The following SRGAP2 variants were observed in gnomAD, a reference collection of about 807,000 sequenced individuals.
SRGAP2 encodes SLIT-ROBO Rho GTPase activating protein 2.
In SRGAP2, 15 loss-of-function variants were observed where a neutral mutation model predicts 57.2. The observed-to-expected ratio is 0.26, with a 90% CI of 0.18 to 0.40. The LOEUF is 0.40. SRGAP2 is among the 10% of genes least tolerant of loss of function. The probability of loss-of-function intolerance (pLI) is 1.00; values close to 1 mark genes in which losing one functional copy is unlikely to be tolerated. For missense variants in SRGAP2, 520 were observed against 669.6 expected, an observed-to-expected ratio of 0.78 and a Z score of 2.47; for synonymous variants, 249 against 248.0, an observed-to-expected ratio of 1.00 and a Z score of -0.04.
intron 18 of SRGAP2, among the ~76,000 whole-genome samples, chr1:206,449,400 T>G (rs1663064547): frequency 7.0e-6 from 1 of 143,618 alleles, no homozygotes; most frequent in Admixed American, 7.1e-5. Context: ...TAACCAATCC[T>G]CCCACCTCAG....
Position 206,421,293 on chromosome 1 carries a change from C to T in SRGAP2, c.1494+19C>T. 1.3e-6 allele frequency: 1 copy of T among 776,316 alleles called. No homozygotes were observed. Among genetic ancestry groups the T allele is most frequent in the East Asian group, 2.4e-5 (1 of 41,100 alleles). 48.1% of individuals were successfully genotyped at this position (776,316 alleles called of 1,614,324 possible). ...GAAACAGGTAAGGGCCCAAGCGGGG[C>T]CAGGCTGGTCTGGCCTGAAAATATA... On this transcript the variant is annotated intron_variant, in intron 13 of 22. Coordinates refer to ENST00000573034, the MANE Select transcript of SRGAP2 (RefSeq NM_015326.5).
intron 7 of SRGAP2, among the ~76,000 whole-genome samples, chr1:206,394,635 C>G (rs1303877325): frequency 4.5e-4 from 68 of 152,178 alleles, no homozygotes; most frequent in Non-Finnish European, 6.2e-4. Flanking sequence ...CCCCTGACAT[C>G]TGGCCCATTT....
chr1:206,417,863 C>G (rs1428368372), intron 11 of SRGAP2, among the ~76,000 whole-genome samples: 3 of 151,644 alleles, frequency 2.0e-5, no homozygotes, highest in Admixed American at 6.6e-5. Flanking sequence ...AAAATCTTTA[C>G]TCTTGGGTTA....
chr1:206,397,349 T>C (rs1657695676), intron 7 of SRGAP2, among the ~76,000 whole-genome samples: 1 of 151,390 alleles, frequency 6.6e-6, no homozygotes, highest in Non-Finnish European at 1.5e-5. Context: ...GCCTGGGATA[T>C]TGGCATCCTG....
chr1:206,372,957 T>C (rs1214476485), intron 4 of SRGAP2, among the ~76,000 whole-genome samples: 2 of 3,116 alleles, frequency 6.4e-4, no homozygotes, highest in South Asian at 0.028. Context: ...CTTTCTTTCT[T>C]TTCTTTCCTT....
chr1:206,427,038 C>A (rs1660856856), intron 13 of SRGAP2, among the ~76,000 whole-genome samples: 1 of 151,946 alleles, frequency 6.6e-6, no homozygotes, highest in Non-Finnish European at 1.5e-5. Flanking sequence ...AAAATCTTTG[C>A]CCAGACCAGT....
chr1:206,337,924 G>A (rs1299758278), intron 3 of SRGAP2, among the ~76,000 whole-genome samples: 1 of 151,894 alleles, frequency 6.6e-6, no homozygotes, highest in Non-Finnish European at 1.5e-5. Flanking sequence ...CCCTTTAAGC[G>A]CTTGTTGCTA....
At chr1:206,447,545 G>A (rs1662867800) in intron 18 of SRGAP2, among the ~76,000 whole-genome samples, 1 of 152,170 alleles carries the variant, frequency 6.6e-6, no homozygotes, top group Non-Finnish European at 1.5e-5. Context: ...GGGAGAGAAA[G>A]CTTTTTGTCA....
intron 18 of SRGAP2, among the ~76,000 whole-genome samples, chr1:206,449,697 A>C (rs1475936467): frequency 6.6e-6 from 1 of 151,704 alleles, no homozygotes; most frequent in Non-Finnish European, 1.5e-5. Context: ...TTCCTCCCCT[A>C]CTTTTGTTTC....
At chr1:206,355,920 T>C (rs552486678) in intron 4 of SRGAP2, among the ~76,000 whole-genome samples, 1 of 152,108 alleles carries the variant, frequency 6.6e-6, no homozygotes, top group East Asian at 1.9e-4. Context: ...TGAGCCAAGA[T>C]TGTGCCATTG....
chr1:206,451,115 T>TAAA (rs67862340), intron 19 of SRGAP2, among the ~76,000 whole-genome samples: 86 of 69,232 alleles, frequency 1.2e-3, no homozygotes, highest in African/African-American at 4.0e-3. Flanking sequence ...AGACCCTGTC[T>TAAA]AAAAAAAAAA....
chr1:206,375,737 C>A (rs543026449), intron 4 of SRGAP2, among the ~76,000 whole-genome samples: 1 of 152,120 alleles, frequency 6.6e-6, no homozygotes, highest in East Asian at 1.9e-4. Flanking sequence ...GTATGCCTGT[C>A]CCTGACAAGA....
chr1:206,266,793 TA>T (rs1669877345), intron 2 of SRGAP2, among the ~76,000 whole-genome samples: 1 of 147,808 alleles, frequency 6.8e-6, no homozygotes, highest in South Asian at 2.3e-4. Context: ...AAAATTTTGG[TA>T]ATCTGTTTGA....
chr1:206,325,889 C>T (rs1303438759), intron 3 of SRGAP2, among the ~76,000 whole-genome samples: 11 of 152,186 alleles, frequency 7.2e-5, no homozygotes, highest in Non-Finnish European at 1.2e-4. Context: ...CTCTGGCAGA[C>T]GAGCATAAGA....
intron 2 of SRGAP2, 104 bp downstream of exon 2, chr1:206,206,141 T>TGG (rs1212723055): frequency 4.8e-6 from 3 of 630,936 alleles, no homozygotes; most frequent in South Asian, 1.9e-5. Context: ...GTGGAGCAGA[T>TGG]GGGGGCAGGC....
chr1:206,419,454 C>T, intron 12 of SRGAP2, 54 bp downstream of exon 12: 1 of 779,984 alleles, frequency 1.3e-6, no homozygotes, highest in South Asian at 1.3e-5. Flanking sequence ...GTGGGTAGAG[C>T]AATCTTACTC....
chr1:206,363,876 C>T (rs1195348193), intron 4 of SRGAP2, among the ~76,000 whole-genome samples: 1 of 152,194 alleles, frequency 6.6e-6, no homozygotes, highest in Non-Finnish European at 1.5e-5. Flanking sequence ...TGGGTGTCCC[C>T]TTTGCAGTGT....
At chr1:206,389,761 G>GAAAAAC (rs1656743310) in intron 5 of SRGAP2, among the ~76,000 whole-genome samples, 6 of 150,220 alleles carry the variant, frequency 4.0e-5, no homozygotes, top group African/African-American at 1.5e-4. Flanking sequence ...CTAAATATGT[G>GAAAAAC]ACTTCAGTGT....
At chr1:206,335,052 A>G (rs1296990604) in intron 3 of SRGAP2, among the ~76,000 whole-genome samples, 1 of 150,050 alleles carries the variant, frequency 6.7e-6, no homozygotes, top group South Asian at 2.1e-4. Flanking sequence ...TATAAATTTT[A>G]TGTTCCTCGG....
Sources: gnomAD v4.1 joint callset for allele counts (sites outside exome capture counted in the v4.1 genomes callset) on GRCh38, gnomAD v4.1.1 for gene constraint, MANE v1.5 for transcripts, NCBI Gene and HGNC (gene_info 2026-07-23, HGNC 2026-07-21) for gene names.